The following KIF5C variants were observed in gnomAD, a reference collection of about 807,000 sequenced individuals.
The protein encoded by KIF5C is kinesin family member 5C, also known as kinesin heavy chain isoform 5C.
KIF5C carries 18 observed loss-of-function variants against 125.2 expected under a neutral mutation model. The observed-to-expected ratio is 0.14, with a 90% CI of 0.10 to 0.21. KIF5C has a LOEUF of 0.21. Among genes scored for constraint, KIF5C ranks in the 10% least tolerant of loss-of-function variants. KIF5C has a pLI of 1.00. For synonymous variants in KIF5C, 405 were observed against 434.0 expected, an observed-to-expected ratio of 0.93 and a Z score of 0.83; for missense variants, 780 against 1,183.8, an observed-to-expected ratio of 0.66 and a Z score of 5.01.
At chr2:148,900,541 C>G (rs1478300299) in intron 1 of KIF5C, among the ~76,000 whole-genome samples, 1 of 152,210 alleles carries the variant, frequency 6.6e-6, no homozygotes, top group African/African-American at 2.4e-5. Context: ...TCTCATCCCA[C>G]ACTACCCTCG....
chr2:148,950,038 T>C, intron 9 of KIF5C, 95 bp downstream of exon 9: 1 of 1,476,804 alleles, frequency 6.8e-7, no homozygotes, highest in Non-Finnish European at 9.0e-7. Context: ...AAGGCTGGTT[T>C]GTTTTTCTGT....
At position 148,983,626 on chromosome 2, in the gene KIF5C, T is replaced by G. The variant is rs746915227; in HGVS notation, c.1576T>G (p.Leu526Val). 1 of 1,568,692 alleles carries G rather than the reference T, an allele frequency of 6.4e-7. No homozygotes were observed. The highest frequency in any genetic ancestry group is 8.7e-7 in the Non-Finnish European group (1 of 1,154,408). Reference sequence around the variant, plus strand: ...GTTGAAATTTGTTTTTCAGACTACATTGACAACCACACAGAGAGAGCTGAG... The same window carrying G: ...GTTGAAATTTGTTTTTCAGACTACAGTGACAACCACACAGAGAGAGCTGAG... ...TDELAQKTTTLTTTQRELSQL... is the reference protein window; with the variant it reads ...TDELAQKTTTVTTTQRELSQL... Residue 526 changes from leucine (L) to valine (V), a missense_variant, in exon 15 of 26, where the codon TTG (leucine) becomes GTG (valine). Transcript: ENST00000435030.
At chr2:148,888,499 T>C (rs1331288472) in intron 1 of KIF5C, 3 of 151,998 alleles carry the variant, frequency 2.0e-5, no homozygotes, top group Non-Finnish European at 2.9e-5. Context: ...AGGTGCCTCT[T>C]TTTGTCCTGG....
At chr2:148,949,285 C>G (rs919963711) in intron 8 of KIF5C, among the ~76,000 whole-genome samples, 22 of 152,266 alleles carry the variant, frequency 1.4e-4, no homozygotes, top group Non-Finnish European at 2.4e-4. Context: ...ATTTCTCTCC[C>G]AAGTTTTTTG....
At chr2:148,903,418 T>C (rs1202281173) in intron 1 of KIF5C, among the ~76,000 whole-genome samples, 1 of 152,182 alleles carries the variant, frequency 6.6e-6, no homozygotes, top group East Asian at 1.9e-4. Context: ...ACGCCTTTGC[T>C]TTATAGTTTT....
intron 14 of KIF5C, among the ~76,000 whole-genome samples, chr2:148,983,177 C>T (rs1280465885): frequency 1.3e-5 from 2 of 151,980 alleles, no homozygotes; most frequent in East Asian, 3.9e-4. Context: ...ACCCATCTGT[C>T]TTTATCAATT....
intron 4 of KIF5C, among the ~76,000 whole-genome samples, chr2:148,937,976 A>G (rs1326236537): frequency 6.6e-6 from 1 of 152,196 alleles, no homozygotes; most frequent in Non-Finnish European, 1.5e-5. Flanking sequence ...GGGAAGAGGA[A>G]TTCTCTTCCT....
chr2:148,903,236 A>G (rs953427089), intron 1 of KIF5C, among the ~76,000 whole-genome samples: 5 of 152,250 alleles, frequency 3.3e-5, no homozygotes, highest in African/African-American at 1.2e-4. Context: ...TGCCTTTAAA[A>G]ACTTTGTCCT....
At chr2:148,968,496 C>T (rs1469650833) in intron 11 of KIF5C, among the ~76,000 whole-genome samples, 1 of 152,144 alleles carries the variant, frequency 6.6e-6, no homozygotes, top group African/African-American at 2.4e-5. Flanking sequence ...CAGAAATTAG[C>T]ATTTCATTGG....
intron 10 of KIF5C, 133 bp from the exon 11 acceptor site, chr2:148,961,838 T>G: frequency 1.5e-6 from 2 of 1,295,198 alleles, no homozygotes; most frequent in South Asian, 1.7e-5. Flanking sequence ...AGGAGGATGG[T>G]TGGTGAAAGC....
chr2:148,994,317 G>A, intron 16 of KIF5C, 104 bp from the exon 17 acceptor site: 1 of 1,455,244 alleles, frequency 6.9e-7, no homozygotes, highest in Admixed American at 2.4e-5. Flanking sequence ...TCAGAAAAGG[G>A]ACTCAGGAAC....
intron 15 of KIF5C, among the ~76,000 whole-genome samples, chr2:148,988,141 C>G (rs1681430646): frequency 1.3e-5 from 2 of 150,766 alleles, no homozygotes; most frequent in South Asian, 4.2e-4. Context: ...AATAAAATTT[C>G]AGCAGCAAAC....
In KIF5C at chr2:148,957,747, G is replaced by T. The variant is rs550084895; in HGVS notation, c.969-4224G>T. 7.3e-5 allele frequency among the ~76,000 whole-genome samples: 11 copies of T among 151,612 alleles called. No individual in the cohort carries two copies. The South Asian group carries it at 2.3e-3, about 32-fold the overall frequency. On this transcript the variant is annotated intron_variant, in intron 10 of 25. Coordinates refer to ENST00000435030, the MANE Select transcript of KIF5C (RefSeq NM_004522.3). ...TGTTTTTCTTAACTCAATTTTTATT[G>T]AATATAATATAGTAAAATACATAAA...
intron 1 of KIF5C, among the ~76,000 whole-genome samples, chr2:148,919,945 G>A (rs1681715959): frequency 6.6e-6 from 1 of 152,126 alleles, no homozygotes; most frequent in African/African-American, 2.4e-5. Flanking sequence ...GTTAACTTTA[G>A]GTTATGAAGA....
At chr2:149,009,808 T>A (rs575380980) in intron 23 of KIF5C, among the ~76,000 whole-genome samples, 1 of 152,298 alleles carries the variant, frequency 6.6e-6, no homozygotes, top group South Asian at 2.1e-4. Flanking sequence ...TCATATGTGG[T>A]CGATTTTCTC....
chr2:148,909,245 G>GTGC (rs921598875), intron 1 of KIF5C, among the ~76,000 whole-genome samples: 20 of 152,090 alleles, frequency 1.3e-4, no homozygotes, highest in African/African-American at 4.8e-4. Flanking sequence ...AGCAGACCAC[G>GTGC]TGCTTCCCAG....
intron 12 of KIF5C, among the ~76,000 whole-genome samples, chr2:148,974,183 C>G (rs1308699195): frequency 3.3e-5 from 5 of 152,162 alleles, no homozygotes; most frequent in Non-Finnish European, 7.3e-5. Flanking sequence ...GTTAGGAATC[C>G]CAGAGGCATG....
chr2:148,908,612 C>T (rs1019727162), intron 1 of KIF5C, among the ~76,000 whole-genome samples: 2 of 152,166 alleles, frequency 1.3e-5, no homozygotes, highest in Non-Finnish European at 2.9e-5. Flanking sequence ...CCAGTATTAC[C>T]TACACCATGG....
intron 12 of KIF5C, among the ~76,000 whole-genome samples, chr2:148,977,180 A>G (rs1357820941): frequency 6.6e-6 from 1 of 152,232 alleles, no homozygotes; most frequent in Non-Finnish European, 1.5e-5. Flanking sequence ...CTTCTGTAGT[A>G]TCATCCTTGT....
Sources: gnomAD v4.1 joint callset for allele counts (sites outside exome capture counted in the v4.1 genomes callset) on GRCh38, gnomAD v4.1.1 for gene constraint, MANE v1.5 for transcripts, NCBI Gene and HGNC (gene_info 2026-07-23, HGNC 2026-07-21) for gene names.